Variants in NOSTRIN observed in about 807,000 individuals in gnomAD.
NOSTRIN encodes nitric oxide synthase trafficking, also known as BM247 homolog.
In NOSTRIN, 63 loss-of-function variants were observed where a neutral mutation model predicts 59.0. That is an observed-to-expected ratio of 1.07 (90% confidence interval 0.87 to 1.32). NOSTRIN has a LOEUF of 1.32. Ranked by LOEUF, NOSTRIN falls within the 40% of genes most tolerant of loss-of-function variation. NOSTRIN has a pLI of 0.00. For missense variants in NOSTRIN, 512 were observed against 473.1 expected (o/e 1.08, Z -0.76); for synonymous variants, 200 against 165.4 (o/e 1.21, Z -1.61).
At chr2:168,834,075 A>G in intron 6 of NOSTRIN, 152 bp from the exon 7 acceptor site, 2 of 563,532 alleles carry the variant, frequency 3.5e-6, no homozygotes, top group Non-Finnish European at 6.3e-6. Flanking sequence ...GAAGAACTAA[A>G]AGTACACATT....
chr2:168,818,169 T>C, intron 2 of NOSTRIN: 1 of 332,622 alleles, frequency 3.0e-6, no homozygotes, highest in Non-Finnish European at 6.3e-6. Context: ...TTATGTTTTT[T>C]AGAGATGGGG....
chr2:168,801,840 T>C (rs1195068932), upstream of NOSTRIN, among the ~76,000 whole-genome samples: 3 of 152,216 alleles, frequency 2.0e-5, no homozygotes. Flanking sequence ...TTTTGAGTGA[T>C]GAAAAATGAG....
At position 168,838,321 on chromosome 2, in the gene NOSTRIN, C is replaced by G. The variant is rs139593927; in HGVS notation, c.504+3996C>G. 2.7e-3 allele frequency among the ~76,000 whole-genome samples: 410 copies of G among 152,334 alleles called. 3 individuals are homozygous for G. Among genetic ancestry groups the G allele is most frequent in the African/African-American group, 9.1e-3 (377 of 41,576 alleles). Reference sequence around the variant, plus strand: ...GTGGCACAGTCTCAGCTCACTGCAACCTCTGCCTTCCAGTTTCAAGTGATC... The same window carrying G: ...GTGGCACAGTCTCAGCTCACTGCAAGCTCTGCCTTCCAGTTTCAAGTGATC... On this transcript the variant is annotated intron_variant, in intron 7 of 15. Coordinates refer to ENST00000317647, the MANE Select transcript of NOSTRIN (RefSeq NM_001039724.4).
intron 1 of NOSTRIN, among the ~76,000 whole-genome samples, chr2:168,806,009 A>G (rs1204806982): frequency 5.9e-5 from 9 of 152,134 alleles, no homozygotes; most frequent in African/African-American, 2.2e-4. Flanking sequence ...GATGGAGTAG[A>G]CTATGCTCTT....
At chr2:168,824,573 A>T in intron 2 of NOSTRIN, 61 bp from the exon 3 acceptor site, 1 of 832,384 alleles carries the variant, frequency 1.2e-6, no homozygotes, top group Non-Finnish European at 2.1e-6. Context: ...TGCTGGGATT[A>T]TAGGTGTGAG....
chr2:168,789,817 A>C (rs777210604), intron 2 of NOSTRIN, among the ~76,000 whole-genome samples: 3 of 152,210 alleles, frequency 2.0e-5, no homozygotes, highest in Non-Finnish European at 4.4e-5. Context: ...CGAGAAACAA[A>C]GGGCCTTCAA....
chr2:168,802,560 CG>C (rs1685648784), upstream of NOSTRIN: 1 of 826,180 alleles, frequency 1.2e-6, no homozygotes, highest in African/African-American at 1.6e-5. Context: ...CTTTGAATCC[CG>C]GAAGTCCAGG....
chr2:168,851,496 T>A, intron 10 of NOSTRIN, 92 bp downstream of exon 10: 2 of 1,496,798 alleles, frequency 1.3e-6, no homozygotes, highest in Admixed American at 4.9e-5. Flanking sequence ...AAATATCATG[T>A]TTTATCAATG....
rs548744360 is a variant in NOSTRIN at position 168,857,966 on chromosome 2, G to A, written c.1053+1188G>A. Among the ~76,000 whole-genome samples the A allele has an allele frequency of 3.3e-5, 5 of 152,302 alleles. No homozygotes were observed. In the South Asian group the frequency reaches 1.0e-3, roughly 32 times the overall value. On this transcript the variant is annotated intron_variant, in intron 12 of 15. Coordinates refer to ENST00000317647, the MANE Select transcript of NOSTRIN (RefSeq NM_001039724.4). Reference sequence around the variant, plus strand: ...CTAACACTTCTTGTAAAAGAAAATAGCCTGCATTGTGTGCACTGGGTAACA... The same window carrying A: ...CTAACACTTCTTGTAAAAGAAAATAACCTGCATTGTGTGCACTGGGTAACA...
At chr2:168,848,235 G>A (rs971303577) in intron 8 of NOSTRIN, among the ~76,000 whole-genome samples, 2 of 152,198 alleles carry the variant, frequency 1.3e-5, no homozygotes, top group African/African-American at 2.4e-5. Flanking sequence ...CATTTGATAG[G>A]CTATTCTGTG....
chr2:168,859,436 G>A (rs997988856), intron 12 of NOSTRIN, 76 bp from the exon 13 acceptor site: 1 of 1,567,078 alleles, frequency 6.4e-7, no homozygotes, highest in African/African-American at 1.4e-5. Context: ...TATTTTGAAA[G>A]TTATTCTGAT....
At chr2:168,863,748 G>C in intron 15 of NOSTRIN, 1 of 748,352 alleles carries the variant, frequency 1.3e-6, no homozygotes, top group Non-Finnish European at 1.6e-6. Context: ...AAGACTGTTG[G>C]TGAGACATAC....
chr2:168,862,249 C>T (rs1165224673), intron 15 of NOSTRIN, among the ~76,000 whole-genome samples, 200 bp downstream of exon 15: 2 of 152,248 alleles, frequency 1.3e-5, no homozygotes, highest in African/African-American at 4.8e-5. Flanking sequence ...GTGTGTCAGA[C>T]ATTGTTGCAG....
chr2:168,865,026 T>A lies in NOSTRIN; in HGVS notation c.*56T>A. 1.3e-6 allele frequency: 2 copies of A among 1,576,296 alleles called. No homozygotes were observed. Among genetic ancestry groups the A allele is most frequent in the South Asian group, 2.3e-5 (2 of 87,702 alleles). ...TCGGTAATCAACAATACAGTGTGGT[T>A]CAAATAAGAATAAAGTGCTCTTACC... On this transcript the variant is annotated 3_prime_UTR_variant, in exon 16 of 16. Transcript: ENST00000317647.
chr2:168,794,952 A>G (rs1225613667), upstream of NOSTRIN, among the ~76,000 whole-genome samples: 3 of 152,156 alleles, frequency 2.0e-5, no homozygotes, highest in Non-Finnish European at 4.4e-5. Context: ...CAAAAGTGCA[A>G]AAGGAAATCC....
upstream of NOSTRIN, among the ~76,000 whole-genome samples, chr2:168,796,940 T>C (rs745843475): frequency 2.6e-5 from 4 of 152,190 alleles, no homozygotes. Flanking sequence ...TCTCAGTATT[T>C]AATTCAATCA....
intron 1 of NOSTRIN, chr2:168,786,883 A>G (rs1036384556): frequency 6.6e-6 from 1 of 151,834 alleles, no homozygotes; most frequent in African/African-American, 2.4e-5. Context: ...GCCCGCCATC[A>G]CACCTGGCTA....
chr2:168,839,919 ATATGTGTG>A lies in NOSTRIN; in HGVS notation c.505-3071_505-3064del, dbSNP rs1357444852. Among the ~76,000 whole-genome samples the A allele has an allele frequency of 5.2e-4, 49 of 93,566 alleles. No individual in the cohort carries two copies. The South Asian group carries it at 6.3e-3, about 12-fold the overall frequency. 61.4% of individuals were successfully genotyped at this position (93,566 alleles called of 152,430 possible). A position where few individuals can be genotyped will look rare whatever the true frequency, so the allele number is the denominator to read the frequency against. On this transcript the variant is annotated intron_variant, in intron 7 of 15. Transcript: ENST00000317647. ...AAAAAAAATATATATATATATATAT[ATATGTGTG>A]TGTGTGTGTGTGTATGAGTATACAT...
At chr2:168,861,906 C>T (rs570234646) in intron 14 of NOSTRIN, 54 bp from the exon 15 acceptor site, 13 of 1,494,802 alleles carry the variant, frequency 8.7e-6, no homozygotes, top group Middle Eastern at 1.7e-4. Context: ...AGCTTCAGCT[C>T]ATATTCATTT....
Sources: allele counts gnomAD v4.1 joint callset (sites outside exome capture counted in the v4.1 genomes callset), GRCh38; gene constraint gnomAD v4.1.1; transcripts MANE v1.5; gene names NCBI Gene and HGNC (gene_info 2026-07-23, HGNC 2026-07-21).